IGSF10: variants seen among roughly 807,000 people sequenced by gnomAD.
The protein encoded by IGSF10 is calvaria mechanical force protein 608.
Under a neutral mutation model 128.2 loss-of-function variants are expected in IGSF10, and 126 were observed. That is an observed-to-expected ratio of 0.98 (90% CI 0.85 to 1.14). The LOEUF (loss-of-function observed/expected upper bound fraction) is 1.14. Ranked by LOEUF, IGSF10 falls within the 50% of genes most tolerant of loss-of-function variation. The pLI, the probability that IGSF10 is intolerant of heterozygous loss-of-function variation, is 0.00. For synonymous variants in IGSF10, 1,185 were observed against 1,146.2 expected, an observed-to-expected ratio of 1.03 and a Z score of -0.68; for missense variants, 3,295 against 3,149.8, an observed-to-expected ratio of 1.05 and a Z score of -1.10.
chr3:151,519,666 T>A, the IGSF10 span, among the ~76,000 whole-genome samples: 1 of 151,740 alleles, frequency 6.6e-6, no homozygotes, highest in Non-Finnish European at 1.5e-5. Flanking sequence ...CTTTGAGGTA[T>A]ATAGTGTGAA....
chr3:151,529,895 G>T, the IGSF10 span, among the ~76,000 whole-genome samples: 1 of 151,952 alleles, frequency 6.6e-6, no homozygotes, highest in African/African-American at 2.4e-5. Context: ...CAGAAGGTGG[G>T]TAATAACAAA....
the IGSF10 span, among the ~76,000 whole-genome samples, chr3:151,474,961 G>A: frequency 7.9e-5 from 12 of 152,162 alleles, no homozygotes; most frequent in Non-Finnish European, 1.8e-4. Flanking sequence ...CCCACAATAT[G>A]TGGGATTTCA....
the IGSF10 span, among the ~76,000 whole-genome samples, chr3:151,486,232 C>A: frequency 6.6e-6 from 1 of 152,124 alleles, no homozygotes; most frequent in East Asian, 1.9e-4. Context: ...AAGGGCATTA[C>A]ATGATGGTAA....
chr3:151,573,664 G>A, the IGSF10 span, among the ~76,000 whole-genome samples: 1 of 152,098 alleles, frequency 6.6e-6, no homozygotes, highest in African/African-American at 2.4e-5. Context: ...CACATGGATG[G>A]GTCTTGACTC....
chr3:151,493,003 C>T, the IGSF10 span, among the ~76,000 whole-genome samples: 5 of 151,930 alleles, frequency 3.3e-5, no homozygotes, highest in African/African-American at 9.7e-5. Flanking sequence ...GTAAAGTGAT[C>T]CTGCCACTTG....
the IGSF10 span, among the ~76,000 whole-genome samples, chr3:151,599,924 C>T: frequency 2.0e-5 from 3 of 152,084 alleles, no homozygotes; most frequent in East Asian, 3.8e-4. Context: ...ATAGAACCAT[C>T]CAAGTATGAG....
At chr3:151,523,399 G>A in the IGSF10 span, among the ~76,000 whole-genome samples, 780 of 152,162 alleles carry the variant, frequency 5.1e-3, 3 homozygotes, top group Non-Finnish European at 7.8e-3. Context: ...GAGACATAAC[G>A]TTACTTGACT....
At chr3:151,457,724 T>G (rs1406944726) in intron 3 of IGSF10, among the ~76,000 whole-genome samples, 1 of 152,178 alleles carries the variant, frequency 6.6e-6, no homozygotes, top group Non-Finnish European at 1.5e-5. Context: ...GTTATGAGGA[T>G]TAAATGGATG....
the IGSF10 span, among the ~76,000 whole-genome samples, chr3:151,577,512 G>T: frequency 2.6e-5 from 4 of 152,024 alleles, no homozygotes; most frequent in African/African-American, 9.7e-5. Flanking sequence ...ACCTAATTAT[G>T]ACTTATCTGT....
chr3:151,480,654 C>T, the IGSF10 span, among the ~76,000 whole-genome samples: 73 of 152,126 alleles, frequency 4.8e-4, no homozygotes, highest in African/African-American at 1.7e-3. Flanking sequence ...CATGCCCACC[C>T]AGTAGTGCAC....
chr3:151,511,740 A>G, the IGSF10 span, among the ~76,000 whole-genome samples: 1 of 152,230 alleles, frequency 6.6e-6, no homozygotes, highest in Admixed American at 6.5e-5. Flanking sequence ...GCAGAGACAC[A>G]CATGCTCAAA....
the IGSF10 span, among the ~76,000 whole-genome samples, chr3:151,619,214 C>A: frequency 6.6e-6 from 1 of 152,014 alleles, no homozygotes; most frequent in Non-Finnish European, 1.5e-5. Context: ...ATCAACTAAA[C>A]ACTAGCTTAT....
At chr3:151,461,516 C>G, upstream of IGSF10, 1 of 698,654 alleles carries the variant, frequency 1.4e-6, no homozygotes, top group Non-Finnish European at 1.8e-6. Context: ...ATGTTATGGG[C>G]TATATACAGA....
the IGSF10 span, among the ~76,000 whole-genome samples, chr3:151,488,109 C>T: frequency 6.6e-6 from 1 of 152,120 alleles, no homozygotes; most frequent in African/African-American, 2.4e-5. Context: ...TCTCCATAAG[C>T]TGATAAGCAA....
the IGSF10 span, among the ~76,000 whole-genome samples, chr3:151,591,308 A>G: frequency 6.6e-6 from 1 of 150,874 alleles, no homozygotes; most frequent in Non-Finnish European, 1.5e-5. Flanking sequence ...AAATATAAAC[A>G]TCTTAGTATG....
At chr3:151,452,525 A>G (rs1274833986) in intron 5 of IGSF10, among the ~76,000 whole-genome samples, 1 of 152,178 alleles carries the variant, frequency 6.6e-6, no homozygotes, top group Non-Finnish European at 1.5e-5. Context: ...TGTAAATCTT[A>G]TGGGAGGATC....
chr3:151,596,489 TG>T, the IGSF10 span, among the ~76,000 whole-genome samples: 29 of 152,156 alleles, frequency 1.9e-4, no homozygotes, highest in African/African-American at 6.8e-4. Flanking sequence ...TGTGTGTGTG[TG>T]TGTGTGTATT....
the IGSF10 span, among the ~76,000 whole-genome samples, chr3:151,472,040 T>C: frequency 6.6e-6 from 1 of 152,188 alleles, no homozygotes. Context: ...TGTTGAAAGC[T>C]CTGCACTCCA....
At chr3:151,452,041 T>C (rs1248191950) in intron 5 of IGSF10, among the ~76,000 whole-genome samples, 3 of 152,178 alleles carry the variant, frequency 2.0e-5, no homozygotes, top group Admixed American at 6.5e-5. Flanking sequence ...CATGAACAAC[T>C]GTCGAATCTC....
Sources: gnomAD v4.1 joint callset for allele counts (sites outside exome capture counted in the v4.1 genomes callset) on GRCh38, gnomAD v4.1.1 for gene constraint, MANE v1.5 for transcripts, NCBI Gene and HGNC (gene_info 2026-07-23, HGNC 2026-07-21) for gene names.